DENND1A: variants seen among roughly 807,000 people sequenced by gnomAD.
DENND1A encodes the protein DENN domain containing 1A.
Under a neutral mutation model 113.7 loss-of-function variants are expected in DENND1A, and 51 were observed. The ratio of observed to expected loss-of-function variants is 0.45; its 90% CI spans 0.36 to 0.57. The LOEUF (loss-of-function observed/expected upper bound fraction) is 0.57. Ranked by LOEUF, DENND1A falls within the 20% of genes least tolerant of loss-of-function variation. The pLI is 0.00. For missense variants in DENND1A, 1,258 were observed against 1,395.9 expected (o/e 0.90, Z 1.57); for synonymous variants, 565 against 570.8 (o/e 0.99, Z 0.14).
At chr9:123,660,874 C>T (rs1564903418) in intron 8 of DENND1A, among the ~76,000 whole-genome samples, 1 of 152,190 alleles carries the variant, frequency 6.6e-6, no homozygotes, top group Non-Finnish European at 1.5e-5. Context: ...GCCATTAGTC[C>T]CCCAGGGGAT....
intron 2 of DENND1A, among the ~76,000 whole-genome samples, chr9:123,796,138 T>C (rs10513424): frequency 0.072 from 10,980 of 152,232 alleles, 579 homozygotes; most frequent in African/African-American, 0.15. Context: ...TACGCCCTAA[T>C]AGAGTCCATG....
chr9:123,724,937 C>A (rs372771338), intron 5 of DENND1A, among the ~76,000 whole-genome samples: 2 of 152,140 alleles, frequency 1.3e-5, no homozygotes, highest in East Asian at 3.8e-4. Context: ...TATGAGATGA[C>A]TTTATTGCAT....
chr9:123,475,335 A>T (rs911910003), intron 13 of DENND1A, among the ~76,000 whole-genome samples: 2 of 152,220 alleles, frequency 1.3e-5, no homozygotes, highest in African/African-American at 2.4e-5. Flanking sequence ...GTGGTTTAAA[A>T]GAAACAACGA....
intron 8 of DENND1A, among the ~76,000 whole-genome samples, chr9:123,653,263 G>C (rs1167718062): frequency 6.6e-6 from 1 of 152,212 alleles, no homozygotes; most frequent in Admixed American, 6.5e-5. Context: ...TACAGAGCAA[G>C]TGAATTAACA....
chr9:123,510,099 G>A (rs1308501442), intron 13 of DENND1A, among the ~76,000 whole-genome samples: 2 of 152,228 alleles, frequency 1.3e-5, no homozygotes, highest in African/African-American at 2.4e-5. Context: ...CCAGCAGTGC[G>A]GCCTGCCCTG....
intron 13 of DENND1A, among the ~76,000 whole-genome samples, chr9:123,539,331 A>G (rs1465578172): frequency 6.6e-6 from 1 of 152,218 alleles, no homozygotes; most frequent in East Asian, 1.9e-4. Context: ...GAGTTCATAC[A>G]CAAATAAATT....
intron 11 of DENND1A, 112 bp from the exon 12 acceptor site, chr9:123,583,382 G>T: frequency 1.4e-6 from 1 of 729,498 alleles, no homozygotes; most frequent in South Asian, 2.0e-5. Flanking sequence ...ATTTGACAAA[G>T]TCTTACTCTG....
chr9:123,889,077 A>T (rs765550837), intron 1 of DENND1A, among the ~76,000 whole-genome samples: 16 of 151,680 alleles, frequency 1.1e-4, no homozygotes, highest in South Asian at 2.1e-4. Flanking sequence ...ATATTTTTTT[A>T]AAATCATTCA....
At chr9:123,493,067 G>A (rs2051527184) in intron 13 of DENND1A, 1 of 152,336 alleles carries the variant, frequency 6.6e-6, no homozygotes, top group Admixed American at 6.5e-5. Flanking sequence ...TGAGTAGGAG[G>A]GTCCTTCCCA....
chr9:123,592,523 GA>G (rs1321055748), intron 11 of DENND1A, among the ~76,000 whole-genome samples: 21 of 152,104 alleles, frequency 1.4e-4, no homozygotes, highest in Admixed American at 1.4e-3. Context: ...GGGCTGGGGG[GA>G]AACTGACTAG....
intron 6 of DENND1A, 68 bp downstream of exon 6, chr9:123,676,652 G>A (rs1589625878): frequency 1.4e-6 from 2 of 1,475,418 alleles, no homozygotes; most frequent in Non-Finnish European, 1.9e-6. Context: ...TATAAGGCAT[G>A]TTTTACTTTT....
At chr9:123,612,879 C>T (rs966852757) in intron 10 of DENND1A, among the ~76,000 whole-genome samples, 2 of 152,194 alleles carry the variant, frequency 1.3e-5, no homozygotes, top group East Asian at 1.9e-4. Flanking sequence ...CAACCTCTGA[C>T]GTACCTGGCA....
At chr9:123,590,895 T>C (rs535960612) in intron 11 of DENND1A, among the ~76,000 whole-genome samples, 4 of 152,054 alleles carry the variant, frequency 2.6e-5, no homozygotes, top group Admixed American at 1.3e-4. Context: ...GTGCGAACAA[T>C]GGTGAATGAA....
At chr9:123,455,464 G>A (rs933595880) in intron 15 of DENND1A, among the ~76,000 whole-genome samples, 4 of 152,200 alleles carry the variant, frequency 2.6e-5, no homozygotes, top group East Asian at 1.9e-4. Flanking sequence ...TGCAAATGCC[G>A]CTCCCTTGCC....
chr9:123,877,859 A>T (rs1847738366), intron 2 of DENND1A, among the ~76,000 whole-genome samples: 1 of 152,054 alleles, frequency 6.6e-6, no homozygotes, highest in African/African-American at 2.4e-5. Context: ...TTTAAAAAAT[A>T]AACTGTAGAG....
At chr9:123,927,526 C>T (rs898762755) in intron 1 of DENND1A, among the ~76,000 whole-genome samples, 6 of 152,190 alleles carry the variant, frequency 3.9e-5, no homozygotes, top group African/African-American at 1.4e-4. Context: ...TACATTGATA[C>T]TGTGTTCAAT....
chr9:123,449,160 T>C lies in DENND1A; in HGVS notation c.1356+1533A>G, dbSNP rs78447094. On this transcript the variant is annotated intron_variant, in intron 18 of 23. Transcript: ENST00000394215. The stretch of plus-strand genomic sequence containing the variant: ...AACTGTGGTCTGTTTACTCATGAAA[T>C]GGGAACAATACTCCACAGGGCTGTT... Among the ~76,000 whole-genome samples, 714 of 152,226 alleles carry C rather than the reference T, an allele frequency of 4.7e-3. 4 individuals carry two copies. The highest frequency in any genetic ancestry group is 0.016 in the African/African-American group (676 of 41,532).
intron 2 of DENND1A, among the ~76,000 whole-genome samples, chr9:123,820,726 A>G (rs1468340198): frequency 6.6e-6 from 1 of 152,230 alleles, no homozygotes; most frequent in Non-Finnish European, 1.5e-5. Context: ...CTTATATGTG[A>G]TCATCTTTTG....
intron 21 of DENND1A, among the ~76,000 whole-genome samples, chr9:123,388,551 G>A (rs2797945): frequency 0.53 from 80,547 of 152,098 alleles, 22,517 homozygotes; most frequent in Non-Finnish European, 0.65. Flanking sequence ...TCTGATTAGC[G>A]GCTGCTCTCT....
Sources: allele counts gnomAD v4.1 joint callset (sites outside exome capture counted in the v4.1 genomes callset), GRCh38; gene constraint gnomAD v4.1.1; transcripts MANE v1.5; gene names NCBI Gene and HGNC (gene_info 2026-07-23, HGNC 2026-07-21).